The following GRK5 variants were observed in gnomAD, a reference collection of about 807,000 sequenced individuals.
GRK5 encodes g protein-coupled receptor kinase GRK5.
A neutral mutation model predicts 78.4 loss-of-function variants in GRK5; 40 were observed. The observed-to-expected ratio is 0.51, with a 90% CI of 0.40 to 0.66. GRK5 has a LOEUF of 0.66. Among genes scored for constraint, GRK5 ranks in the 30% least tolerant of loss-of-function variants. GRK5 has a pLI of 0.00. For synonymous variants in GRK5, 289 were observed against 296.8 expected (o/e 0.97, Z 0.27); for missense variants, 598 against 759.9 (o/e 0.79, Z 2.50).
intron 1 of GRK5, among the ~76,000 whole-genome samples, chr10:119,274,511 T>C (rs1849636215): frequency 6.6e-6 from 1 of 152,182 alleles, no homozygotes; most frequent in South Asian, 2.1e-4. Context: ...ACCTTGGCCT[T>C]GTATAGGGTG....
In GRK5 at chr10:119,243,673, C is replaced by A. The variant is rs1392736768; in HGVS notation, c.52+35704C>A. 2.6e-5 allele frequency among the ~76,000 whole-genome samples: 4 copies of A among 151,844 alleles called. No individual in the cohort carries two copies. The East Asian group carries it at 7.7e-4, about 29-fold the overall frequency. On this transcript the variant is annotated intron_variant, in intron 1 of 15. Transcript: ENST00000392870. ...GTCAAAGAACAGCTTGCTTAACAAC[C>A]CCAAGGCAAATAGAGCTTCTTTTCT...
chr10:119,246,855 T>C (rs1195895674), intron 1 of GRK5, among the ~76,000 whole-genome samples: 2 of 152,226 alleles, frequency 1.3e-5, no homozygotes, highest in Admixed American at 6.5e-5. Flanking sequence ...GATGGGAATG[T>C]CACCTGAGAA....
chr10:119,230,724 G>A (rs901446298), intron 1 of GRK5, among the ~76,000 whole-genome samples: 1 of 150,124 alleles, frequency 6.7e-6, no homozygotes, highest in African/African-American at 2.4e-5. Context: ...TGTAGTCCCA[G>A]CCACTTGGGG....
At chr10:119,454,481 G>A (rs1312950939) in intron 15 of GRK5, among the ~76,000 whole-genome samples, 1 of 152,300 alleles carries the variant, frequency 6.6e-6, no homozygotes, top group South Asian at 2.1e-4. Context: ...CAGCACTCAC[G>A]GGATGCAGAG....
chr10:119,304,972 C>T (rs919747013), intron 1 of GRK5, among the ~76,000 whole-genome samples: 7 of 152,038 alleles, frequency 4.6e-5, no homozygotes, highest in African/African-American at 1.7e-4. Context: ...TTTCATCTCT[C>T]CCTTCCCTCT....
At chr10:119,419,004 G>A (rs1852518393) in intron 4 of GRK5, among the ~76,000 whole-genome samples, 1 of 152,234 alleles carries the variant, frequency 6.6e-6, no homozygotes, top group Non-Finnish European at 1.5e-5. Flanking sequence ...GGACATCCCT[G>A]CAGGAAGAGC....
chr10:119,277,768 C>T (rs1849692737), intron 1 of GRK5, among the ~76,000 whole-genome samples: 1 of 152,178 alleles, frequency 6.6e-6, no homozygotes, highest in Admixed American at 6.5e-5. Context: ...TTCTTGCTTT[C>T]TGTCGCTCTG....
intron 2 of GRK5, among the ~76,000 whole-genome samples, chr10:119,362,670 C>A (rs17098773): frequency 0.22 from 33,186 of 152,138 alleles, 3,643 homozygotes; most frequent in East Asian, 0.38. Flanking sequence ...GATTTGGGGA[C>A]CTTAATTCCT....
At chr10:119,450,104 T>C (rs1853244745) in intron 13 of GRK5, among the ~76,000 whole-genome samples, 1 of 152,036 alleles carries the variant, frequency 6.6e-6, no homozygotes, top group Non-Finnish European at 1.5e-5. Flanking sequence ...GCTTTGGGAG[T>C]GGCCACTCCT....
At chr10:119,263,714 A>G (rs1271955444) in intron 1 of GRK5, among the ~76,000 whole-genome samples, 1 of 152,082 alleles carries the variant, frequency 6.6e-6, no homozygotes, top group Non-Finnish European at 1.5e-5. Context: ...ACGATGTCAG[A>G]AGATCGAGAC....
intron 4 of GRK5, among the ~76,000 whole-genome samples, chr10:119,411,642 C>A (rs1044893317): frequency 1.3e-5 from 2 of 152,124 alleles, no homozygotes; most frequent in African/African-American, 4.8e-5. Context: ...CAACAAATTA[C>A]TGAGGGCTTG....
At chr10:119,415,081 C>CAAAAAAAAAAAAAAAAAAA (rs762165768) in intron 4 of GRK5, among the ~76,000 whole-genome samples, 7 of 75,724 alleles carry the variant, frequency 9.2e-5, no homozygotes, top group Admixed American at 3.2e-4. Context: ...GACTCTGTCT[C>CAAAAAAAAAAAAAAAAAAA]AAAAAAAAAA....
At chr10:119,347,610 C>T (rs755672743) in intron 2 of GRK5, among the ~76,000 whole-genome samples, 10 of 152,356 alleles carry the variant, frequency 6.6e-5, no homozygotes, top group East Asian at 3.9e-4. Flanking sequence ...AAGGCCGGGA[C>T]GGCAATGGGG....
intron 1 of GRK5, among the ~76,000 whole-genome samples, chr10:119,224,618 T>C (rs1380018408): frequency 6.6e-6 from 1 of 152,126 alleles, no homozygotes; most frequent in East Asian, 1.9e-4. Flanking sequence ...TTCACCATGT[T>C]GGTCAGGCTG....
chr10:119,334,181 C>G (rs562051889), intron 2 of GRK5, among the ~76,000 whole-genome samples: 40 of 152,356 alleles, frequency 2.6e-4, no homozygotes, highest in Middle Eastern at 3.4e-3. Context: ...CGGCGCAAGC[C>G]TGGAACCCCA....
At chr10:119,269,100 T>G (rs1849546923) in intron 1 of GRK5, among the ~76,000 whole-genome samples, 1 of 152,236 alleles carries the variant, frequency 6.6e-6, no homozygotes, top group Non-Finnish European at 1.5e-5. Flanking sequence ...TACCTCATTC[T>G]AGACTCTTCC....
At chr10:119,394,225 G>GGT (rs1851949173) in intron 3 of GRK5, among the ~76,000 whole-genome samples, 1 of 16,984 alleles carries the variant, frequency 5.9e-5, no homozygotes, top group Non-Finnish European at 1.2e-4. Context: ...GGTACGTGTG[G>GGT]GTGTGGGTGT....
intron 13 of GRK5, among the ~76,000 whole-genome samples, chr10:119,450,202 G>T (rs924977673): frequency 1.3e-5 from 2 of 152,220 alleles, no homozygotes; most frequent in South Asian, 4.1e-4. Flanking sequence ...GAGGATGTGG[G>T]CATCCAGACT....
intron 1 of GRK5, among the ~76,000 whole-genome samples, chr10:119,308,666 G>T (rs897204881): frequency 3.9e-5 from 6 of 152,242 alleles, no homozygotes; most frequent in Non-Finnish European, 8.8e-5. Flanking sequence ...GCCACGCGGT[G>T]GGGGAGCTTT....
Sources: gnomAD v4.1 joint callset for allele counts (sites outside exome capture counted in the v4.1 genomes callset) on GRCh38, gnomAD v4.1.1 for gene constraint, MANE v1.5 for transcripts, NCBI Gene and HGNC (gene_info 2026-07-23, HGNC 2026-07-21) for gene names.